Variants in GFOD1 observed in about 807,000 individuals in gnomAD.
GFOD1 encodes Gfo/Idh/MocA-like oxidoreductase domain containing 1, also known as glucose-fructose oxidoreductase domain-containing protein 1.
Under a neutral mutation model 25.4 loss-of-function variants are expected in GFOD1, and 9 were observed. The observed-to-expected ratio is 0.35, with a 90% CI of 0.21 to 0.62. The LOEUF (loss-of-function observed/expected upper bound fraction) is 0.62. GFOD1 is among the 20% of genes least tolerant of loss of function. The pLI, the probability that GFOD1 is intolerant of heterozygous loss-of-function variation, is 0.72. For missense variants in GFOD1, 403 were observed against 556.9 expected, an observed-to-expected ratio of 0.72 and a Z score of 2.78; for synonymous variants, 253 against 245.6, an observed-to-expected ratio of 1.03 and a Z score of -0.28.
intron 1 of GFOD1, among the ~76,000 whole-genome samples, chr6:13,380,671 C>T (rs1785346516): frequency 6.6e-6 from 1 of 152,156 alleles, no homozygotes; most frequent in Admixed American, 6.5e-5. Flanking sequence ...TTATTAACTG[C>T]TCCCAGGAAA....
intron 1 of GFOD1, among the ~76,000 whole-genome samples, chr6:13,477,883 T>C (rs566118951): frequency 1.3e-5 from 2 of 151,888 alleles, no homozygotes; most frequent in Non-Finnish European, 2.9e-5. Context: ...CTGGCCAACA[T>C]GGCGACCCCA....
At chr6:13,432,228 C>CTTTTTTT (rs537723348) in intron 1 of GFOD1, among the ~76,000 whole-genome samples, 1 of 141,432 alleles carries the variant, frequency 7.1e-6, no homozygotes. Flanking sequence ...CTTTTCTTTT[C>CTTTTTTT]TTTTTTTTTT....
At chr6:13,397,509 T>C (rs1045656630) in intron 1 of GFOD1, among the ~76,000 whole-genome samples, 2 of 152,190 alleles carry the variant, frequency 1.3e-5, no homozygotes, top group Admixed American at 6.5e-5. Flanking sequence ...GCCTCTGCCA[T>C]AACCTGGAAG....
intron 1 of GFOD1, among the ~76,000 whole-genome samples, chr6:13,431,508 T>A (rs1307599556): frequency 6.6e-6 from 1 of 152,212 alleles, no homozygotes; most frequent in African/African-American, 2.4e-5. Flanking sequence ...TTCTTTAAAG[T>A]CATACGCTGA....
At chr6:13,371,884 G>A (rs1454441272) in intron 1 of GFOD1, among the ~76,000 whole-genome samples, 3 of 152,226 alleles carry the variant, frequency 2.0e-5, no homozygotes, top group African/African-American at 7.2e-5. Context: ...TGGCTGTCTT[G>A]GAGGGTTGCC....
chr6:13,485,437 C>T (rs1758843440), intron 1 of GFOD1, among the ~76,000 whole-genome samples: 1 of 152,184 alleles, frequency 6.6e-6, no homozygotes, highest in Non-Finnish European at 1.5e-5. Flanking sequence ...TTCTACTATT[C>T]GCTTCATCTG....
chr6:13,389,979 G>A (rs545197189), intron 1 of GFOD1, among the ~76,000 whole-genome samples: 4 of 151,854 alleles, frequency 2.6e-5, no homozygotes, highest in East Asian at 1.9e-4. Context: ...TCAGCCCCCC[G>A]TGCACATTCC....
At chr6:13,381,219 C>T (rs148819028) in intron 1 of GFOD1, among the ~76,000 whole-genome samples, 1,549 of 152,304 alleles carry the variant, frequency 0.01, 6 homozygotes, top group Non-Finnish European at 0.018. Context: ...AAGACAGAAA[C>T]CCAGTTGGCA....
chr6:13,372,613 A>G (rs1785174028), intron 1 of GFOD1, among the ~76,000 whole-genome samples: 2 of 152,046 alleles, frequency 1.3e-5, no homozygotes, highest in Non-Finnish European at 2.9e-5. Flanking sequence ...ACCTCTAGGG[A>G]AAGATGGAGC....
chr6:13,470,376 G>A, intron 1 of GFOD1: 1 of 1,550,370 alleles, frequency 6.5e-7, no homozygotes, highest in Admixed American at 2.0e-5. Context: ...GGTCCCCGTG[G>A]GCCTCCAGGG....
At chr6:13,436,879 A>T (rs1275796451) in intron 1 of GFOD1, among the ~76,000 whole-genome samples, 2 of 152,200 alleles carry the variant, frequency 1.3e-5, no homozygotes, top group Non-Finnish European at 2.9e-5. Flanking sequence ...ATTTTATGTG[A>T]CATTCTATCA....
chr6:13,438,917 G>T (rs1413529419), intron 1 of GFOD1, among the ~76,000 whole-genome samples: 1 of 152,178 alleles, frequency 6.6e-6, no homozygotes, highest in Non-Finnish European at 1.5e-5. Context: ...AGACACAATG[G>T]ATTTTATAAT....
rs1034761323 is a variant in GFOD1, at chr6:13,421,564, C to A, written c.254-55902G>T. 8.5e-5 allele frequency among the ~76,000 whole-genome samples: 13 copies of A among 152,108 alleles called. No homozygotes were observed. The South Asian group carries it at 2.7e-3, about 32-fold the overall frequency. On this transcript the variant is annotated intron_variant, in intron 1 of 1. Transcript: ENST00000379287. The stretch of plus-strand genomic sequence containing the variant: ...TATCCATCCATATTTAAAAAAAAAC[C>A]ATCAATATTTCCACACTATCCCAAC...
intron 1 of GFOD1, among the ~76,000 whole-genome samples, chr6:13,458,502 G>T (rs1434080551): frequency 1.3e-5 from 2 of 151,976 alleles, no homozygotes; most frequent in Non-Finnish European, 2.9e-5. Context: ...AACTCATCAG[G>T]TGATCTCGCA....
intron 1 of GFOD1, among the ~76,000 whole-genome samples, chr6:13,429,009 G>A (rs1757697706): frequency 6.6e-6 from 1 of 152,186 alleles, no homozygotes. Context: ...GAGCACGTGA[G>A]CCAGCTTGCT....
At position 13,360,489 on chromosome 6, in the gene GFOD1, C is replaced by T; in HGVS notation, c.*4254G>A. 2 of 348,086 alleles carry T rather than the reference C, an allele frequency of 5.7e-6. No individual in the cohort carries two copies. Among genetic ancestry groups the T allele is most frequent in the South Asian group, 4.3e-5 (2 of 46,362 alleles). 21.6% of individuals were successfully genotyped at this position (348,086 alleles called of 1,614,324 possible). A position where few individuals can be genotyped will look rare whatever the true frequency, so the allele number is the denominator to read the frequency against. ...CCCACTCCCTGAGAAAGGACATTTT[C>T]CTACGTTATATTCAGACCCCCAAGA... On this transcript the variant is annotated 3_prime_UTR_variant, in exon 2 of 2. Transcript: ENST00000379287.
chr6:13,485,943 A>G, intron 1 of GFOD1: 1 of 797,230 alleles, frequency 1.3e-6, no homozygotes, highest in Non-Finnish European at 1.5e-6. Context: ...GTCTTTACTA[A>G]CCTATGACGC....
intron 1 of GFOD1, among the ~76,000 whole-genome samples, chr6:13,421,930 A>T (rs16874145): frequency 0.063 from 9,520 of 152,310 alleles, 381 homozygotes; most frequent in Middle Eastern, 0.12. Flanking sequence ...GCTGCGTTTT[A>T]TCTCCAGAAA....
rs1450309412 is a variant in GFOD1, at chr6:13,487,196, C to G, written c.-306G>C. 1 of 312,006 alleles carries G rather than the reference C, an allele frequency of 3.2e-6. No individual in the cohort carries two copies. The highest frequency in any genetic ancestry group is 2.2e-5 in the African/African-American group (1 of 46,086). The allele number at this position is 312,006 out of a possible 1,614,324, so 19.3% of individuals were successfully genotyped here. On this transcript the variant is annotated 5_prime_UTR_variant, in exon 1 of 2. Coordinates refer to ENST00000379287, the MANE Select transcript of GFOD1 (RefSeq NM_018988.4). The surrounding 1 kb of genome is among the most constrained non-coding windows in gnomAD (Gnocchi z 4.9). Reference sequence around the variant, plus strand: ...GCTTCGAAGCCCCCTGGAGCCCCGGCTCAGGCTGCGCTCCCGCGGCAGCGC... The same window carrying G: ...GCTTCGAAGCCCCCTGGAGCCCCGGGTCAGGCTGCGCTCCCGCGGCAGCGC...
Sources: gnomAD v4.1 joint callset for allele counts (sites outside exome capture counted in the v4.1 genomes callset) on GRCh38, gnomAD v4.1.1 for gene constraint, Gnocchi (gnomAD v3.1) non-coding constraint, MANE v1.5 for transcripts, NCBI Gene and HGNC (gene_info 2026-07-23, HGNC 2026-07-21) for gene names.